CDH12: variants seen among roughly 807,000 people sequenced by gnomAD.
The protein encoded by CDH12 is cadherin-12.
A neutral mutation model predicts 74.1 loss-of-function variants in CDH12; 41 were observed. The ratio of observed to expected loss-of-function variants is 0.55; its 90% CI spans 0.43 to 0.72. CDH12 has a LOEUF of 0.72. Ranked by LOEUF, CDH12 falls within the 30% of genes least tolerant of loss-of-function variation. CDH12 has a pLI of 0.00. For synonymous variants in CDH12, 399 were observed against 355.0 expected, an observed-to-expected ratio of 1.12 and a Z score of -1.39; for missense variants, 945 against 977.2, an observed-to-expected ratio of 0.97 and a Z score of 0.44.
At chr5:22,242,341 A>G (rs1181193344) in intron 3 of CDH12, among the ~76,000 whole-genome samples, 3 of 152,220 alleles carry the variant, frequency 2.0e-5, no homozygotes, top group African/African-American at 7.2e-5. Context: ...TAATTTTAAA[A>G]TGACACTTCT....
At chr5:22,351,744 A>G in intron 3 of CDH12, among the ~76,000 whole-genome samples, 1 of 152,188 alleles carries the variant, frequency 6.6e-6, no homozygotes, top group East Asian at 1.9e-4. Flanking sequence ...TTTATCCTAT[A>G]GAATTTCACT....
At chr5:22,442,148 G>T (rs551238575) in intron 2 of CDH12, among the ~76,000 whole-genome samples, 17 of 152,162 alleles carry the variant, frequency 1.1e-4, no homozygotes, top group African/African-American at 3.9e-4. Context: ...TTCAGTCTGC[G>T]TATAGCTTTG....
chr5:22,539,231 G>T (rs552579892), intron 1 of CDH12, among the ~76,000 whole-genome samples: 15 of 152,284 alleles, frequency 9.9e-5, no homozygotes, highest in South Asian at 2.1e-4. Context: ...CTGCTTAAAT[G>T]AATGGGTGAG....
intron 9 of CDH12, among the ~76,000 whole-genome samples, chr5:21,813,678 G>A (rs2149940564): frequency 6.6e-6 from 1 of 152,164 alleles, no homozygotes; most frequent in Middle Eastern, 3.4e-3. Context: ...TTCTTGCCTA[G>A]TACACTCCCA....
chr5:22,416,091 T>G (rs1179106462), intron 2 of CDH12, among the ~76,000 whole-genome samples: 1 of 58,380 alleles, frequency 1.7e-5, no homozygotes, highest in East Asian at 5.7e-4. Context: ...TTTTTTTTTT[T>G]TGAGACGGAG....
intron 3 of CDH12, among the ~76,000 whole-genome samples, chr5:22,371,348 A>G (rs1330995185): frequency 6.6e-6 from 1 of 152,160 alleles, no homozygotes; most frequent in African/African-American, 2.4e-5. Context: ...AAGCAAAGAA[A>G]AATTACATTA....
At chr5:22,213,155 G>T (rs552373697) in intron 3 of CDH12, among the ~76,000 whole-genome samples, 3 of 152,230 alleles carry the variant, frequency 2.0e-5, no homozygotes, top group South Asian at 2.1e-4. Context: ...TCTGCCGCTC[G>T]CCTGCTACAT....
At chr5:21,861,804 A>G (rs1262215434) in intron 6 of CDH12, among the ~76,000 whole-genome samples, 1 of 151,986 alleles carries the variant, frequency 6.6e-6, no homozygotes, top group Non-Finnish European at 1.5e-5. Flanking sequence ...TCAACAAGGT[A>G]TATTTTCTAA....
intron 2 of CDH12, among the ~76,000 whole-genome samples, chr5:22,411,872 T>A (rs1743185038): frequency 6.6e-6 from 1 of 152,034 alleles, no homozygotes; most frequent in Non-Finnish European, 1.5e-5. Context: ...CTCTGTTGGC[T>A]TGATGACTAA....
intron 4 of CDH12, among the ~76,000 whole-genome samples, chr5:22,202,433 T>G (rs2150355639): frequency 1.3e-5 from 2 of 152,260 alleles, no homozygotes; most frequent in South Asian, 4.1e-4. Context: ...CAGCTAATAT[T>G]AGCGACAACA....
rs529072893 is a variant in CDH12 at position 21,857,131 on chromosome 5, T to C, written c.527-2341A>G. On this transcript the variant is annotated intron_variant, in intron 6 of 14. Transcript: ENST00000382254. ...TGCAAATCTCCGAGGACTACCTTTT[T>C]CAGTGCTTGGATAGCACACCAGCTG... is the stretch of plus-strand genomic sequence containing the variant. 3.3e-5 allele frequency among the ~76,000 whole-genome samples: 5 copies of C among 151,912 alleles called. 1 individual carries two copies. The South Asian group carries it at 1.0e-3, about 32-fold the overall frequency.
chr5:22,441,336 C>T (rs529636707), intron 2 of CDH12, among the ~76,000 whole-genome samples: 2 of 152,228 alleles, frequency 1.3e-5, no homozygotes, highest in African/African-American at 4.8e-5. Context: ...CAATATTTAT[C>T]TGAAAGTGTG....
intron 1 of CDH12, among the ~76,000 whole-genome samples, chr5:22,595,509 T>C (rs1162727291): frequency 1.3e-5 from 2 of 152,182 alleles, no homozygotes; most frequent in Non-Finnish European, 2.9e-5. Context: ...TCTAGATAAA[T>C]AGGGAGGCTA....
rs368104721 is a variant in CDH12, at chr5:21,936,363, A to G, written c.526+38728T>C. On this transcript the variant is annotated intron_variant, in intron 6 of 14. Transcript: ENST00000382254. ...AAATGCTAAAAGATAAGTCACTTTC[A>G]TACTTTCTAGATATAGTTATTCATT... 5.3e-5 allele frequency among the ~76,000 whole-genome samples: 8 copies of G among 152,302 alleles called. No individual in the cohort carries two copies. In the East Asian group the frequency reaches 1.4e-3, roughly 26 times the overall value.
chr5:22,409,572 G>A (rs918491968), intron 2 of CDH12, among the ~76,000 whole-genome samples: 2 of 151,862 alleles, frequency 1.3e-5, no homozygotes, highest in African/African-American at 4.8e-5. Context: ...TCTCTTTCTT[G>A]TGACAAAAAT....
In CDH12 at chr5:21,883,136, T is replaced by A. The variant is rs531707320; in HGVS notation, c.527-28346A>T. The A allele has an allele frequency of 2.0e-5, 31 of 1,557,568 alleles. No homozygotes were observed. The Middle Eastern group carries it at 7.8e-4, about 39-fold the overall frequency. On this transcript the variant is annotated intron_variant, in intron 6 of 14. Transcript: ENST00000382254. ...TTTCTGCAAATGGAGACAAAGAAATTGGCAATATCATCTCTGATGCAATGA... is the reference window on the plus strand; with the variant it reads ...TTTCTGCAAATGGAGACAAAGAAATAGGCAATATCATCTCTGATGCAATGA...
At chr5:22,056,827 A>T (rs184621437) in intron 5 of CDH12, among the ~76,000 whole-genome samples, 2 of 152,074 alleles carry the variant, frequency 1.3e-5, no homozygotes, top group Non-Finnish European at 2.9e-5. Flanking sequence ...TGTTTTTCCT[A>T]CTTTACAGAT....
chr5:21,864,856 G>A lies in CDH12; in HGVS notation c.527-10066C>T, dbSNP rs530668416. 1.1e-4 allele frequency among the ~76,000 whole-genome samples: 16 copies of A among 152,256 alleles called. No individual in the cohort carries two copies. The East Asian group carries it at 2.9e-3, about 28-fold the overall frequency. ...GAGAGTTTTTAAGTGGTTGTAATTG[G>A]AATGTTCATAGAAATATGAGCAGTA... On this transcript the variant is annotated intron_variant, in intron 6 of 14. Transcript: ENST00000382254.
intron 6 of CDH12, among the ~76,000 whole-genome samples, chr5:21,916,642 T>C (rs1754108689): frequency 6.6e-6 from 1 of 152,130 alleles, no homozygotes; most frequent in Non-Finnish European, 1.5e-5. Context: ...TGACATCTGC[T>C]TCCAGTCCCT....
Sources: allele counts gnomAD v4.1 joint callset (sites outside exome capture counted in the v4.1 genomes callset), GRCh38; gene constraint gnomAD v4.1.1; transcripts MANE v1.5; gene names NCBI Gene and HGNC (gene_info 2026-07-23, HGNC 2026-07-21).